The following USP47 variants were observed in gnomAD, a reference collection of about 807,000 sequenced individuals.
The protein encoded by USP47 is ubiquitin carboxyl-terminal hydrolase 47.
USP47 carries 35 observed loss-of-function variants against 165.1 expected under a neutral mutation model. That is an observed-to-expected ratio of 0.21 (90% CI 0.16 to 0.28). USP47 has a LOEUF of 0.28. Among genes scored for constraint, USP47 ranks in the 10% least tolerant of loss-of-function variants. The pLI is 1.00. For missense variants in USP47, 1,277 were observed against 1,607.4 expected, an observed-to-expected ratio of 0.79 and a Z score of 3.52; for synonymous variants, 531 against 544.5, an observed-to-expected ratio of 0.98 and a Z score of 0.35.
chr11:11,911,648 A>ATT (rs1429233159), intron 8 of USP47, among the ~76,000 whole-genome samples: 1 of 152,194 alleles, frequency 6.6e-6, no homozygotes, highest in Non-Finnish European at 1.5e-5. Flanking sequence ...AGACAAATCT[A>ATT]CAATTACAGT....
rs570166396 is a variant in USP47, at chr11:11,909,612, C to G, written c.969+4064C>G. On this transcript the variant is annotated intron_variant, in intron 8 of 27. Transcript: ENST00000527733. ...TCATACAACATTTATTTAGGGCCTA[C>G]TCTATGGCAGACACTGTTCTAGGCC... Among the ~76,000 whole-genome samples, 4 of 152,262 alleles carry G rather than the reference C, an allele frequency of 2.6e-5. No homozygotes were observed. In the East Asian group the frequency reaches 7.7e-4, roughly 29 times the overall value.
chr11:11,950,615 A>G, intron 24 of USP47, 133 bp downstream of exon 24: 2 of 647,166 alleles, frequency 3.1e-6, no homozygotes, highest in South Asian at 2.2e-5. Context: ...TATATTAAGC[A>G]TAACGATATC....
At chr11:11,891,644 GTAGGA>G (rs1270509623) in intron 3 of USP47, among the ~76,000 whole-genome samples, 1 of 152,184 alleles carries the variant, frequency 6.6e-6, no homozygotes. Context: ...GTCAGAGACA[GTAGGA>G]AACTATCCAT....
At chr11:11,937,690 A>G (rs180934116) in intron 17 of USP47, among the ~76,000 whole-genome samples, 3 of 151,806 alleles carry the variant, frequency 2.0e-5, no homozygotes, top group Admixed American at 2.0e-4. Flanking sequence ...TAAGACTTAT[A>G]AAGTAGTCTT....
chr11:11,929,386 G>A, intron 11 of USP47, 48 bp from the exon 12 acceptor site: 1 of 1,594,040 alleles, frequency 6.3e-7, no homozygotes, highest in Non-Finnish European at 8.5e-7. Context: ...CACAAATAAG[G>A]GTTGTGTTTT....
chr11:11,866,100 A>G (rs1014901840), intron 1 of USP47, among the ~76,000 whole-genome samples: 2 of 152,204 alleles, frequency 1.3e-5, no homozygotes, highest in African/African-American at 4.8e-5. Flanking sequence ...CAGTGTCATG[A>G]AACTTTTTCC....
chr11:11,887,991 A>G (rs1435743624), intron 3 of USP47, among the ~76,000 whole-genome samples: 1 of 152,238 alleles, frequency 6.6e-6, no homozygotes, highest in Non-Finnish European at 1.5e-5. Flanking sequence ...TTAAGGCAGA[A>G]ATCAAGAAGT....
At chr11:11,898,044 C>T (rs1851952447) in intron 5 of USP47, among the ~76,000 whole-genome samples, 1 of 152,022 alleles carries the variant, frequency 6.6e-6, no homozygotes, top group Non-Finnish European at 1.5e-5. Context: ...TTCCACCTCT[C>T]AATTTAAGTA....
intron 1 of USP47, among the ~76,000 whole-genome samples, chr11:11,844,923 A>G (rs942587240): frequency 6.6e-6 from 1 of 152,154 alleles, no homozygotes; most frequent in African/African-American, 2.4e-5. Flanking sequence ...TAGTACAGGC[A>G]TTGGCAAACC....
At chr11:11,896,182 A>G (rs1851833215) in intron 4 of USP47, among the ~76,000 whole-genome samples, 1 of 152,222 alleles carries the variant, frequency 6.6e-6, no homozygotes, top group Non-Finnish European at 1.5e-5. Flanking sequence ...TGATGGTAAA[A>G]TAAAGAGCTA....
chr11:11,880,587 CATA>C (rs983721764), intron 2 of USP47, among the ~76,000 whole-genome samples: 5 of 152,118 alleles, frequency 3.3e-5, no homozygotes, highest in African/African-American at 7.2e-5. Flanking sequence ...CTAAAGTTTA[CATA>C]ATGTCATTTC....
chr11:11,902,441 G>A (rs913231347), intron 5 of USP47, among the ~76,000 whole-genome samples: 2 of 152,104 alleles, frequency 1.3e-5, no homozygotes, highest in Non-Finnish European at 2.9e-5. Context: ...TCAGATTCAG[G>A]TTCCACAGTT....
chr11:11,864,065 A>G (rs1849530694), intron 1 of USP47, among the ~76,000 whole-genome samples: 1 of 152,172 alleles, frequency 6.6e-6, no homozygotes, highest in African/African-American at 2.4e-5. Context: ...ATATGCATAC[A>G]AACACATATG....
rs1227050461 is a variant in USP47 at position 11,949,957 on chromosome 11, A to T, written c.3417A>T (p.Leu1139Phe). The T allele has an allele frequency of 6.2e-7, 1 of 1,612,964 alleles. No individual in the cohort carries two copies. ...GMTVRQSKEE[L>F]IPQLREQCGL... Reference sequence around the variant, plus strand: ...CTGTACGGCAATCAAAAGAGGAATTAATTCCTCAGCTCAGGGAGCAATGTG... The same window carrying T: ...CTGTACGGCAATCAAAAGAGGAATTTATTCCTCAGCTCAGGGAGCAATGTG... Residue 1139 changes from leucine (L) to phenylalanine (F), a missense_variant, in exon 23 of 28, where the codon TTA becomes TTT. Around this residue, in one of 4 missense-constraint regions of USP47, gnomAD observed 909 missense variants for 1,068.1 expected, o/e 0.85. Coordinates refer to ENST00000527733, the MANE Select transcript of USP47 (RefSeq NM_001282659.2).
intron 1 of USP47, among the ~76,000 whole-genome samples, chr11:11,876,467 G>A (rs1336335505): frequency 6.6e-6 from 1 of 152,178 alleles, no homozygotes; most frequent in East Asian, 1.9e-4. Context: ...ATGTAACAGT[G>A]GACCCTAAAG....
At chr11:11,910,071 T>G (rs1852851052) in intron 8 of USP47, among the ~76,000 whole-genome samples, 1 of 152,156 alleles carries the variant, frequency 6.6e-6, no homozygotes, top group African/African-American at 2.4e-5. Context: ...TGTGTATGGT[T>G]GGACATAGTG....
In USP47 at chr11:11,959,761, G is replaced by GC. The variant is rs1257254432; in HGVS notation, c.*3590dup. Among the ~76,000 whole-genome samples the GC allele has an allele frequency of 6.6e-6, 1 of 152,114 alleles. No homozygotes were observed. Among genetic ancestry groups the GC allele is most frequent in the African/African-American group, 2.4e-5 (1 of 41,434 alleles). On this transcript the variant is annotated 3_prime_UTR_variant, in exon 28 of 28. Coordinates refer to ENST00000527733, the MANE Select transcript of USP47 (RefSeq NM_001282659.2). ...TCTGCCCCTTCCCCATCACAGCACT[G>GC]CCCCTTTCCACCTCCTCACCAGCTC...
intron 11 of USP47, among the ~76,000 whole-genome samples, chr11:11,927,164 C>T (rs1399176600): frequency 6.6e-6 from 1 of 151,992 alleles, no homozygotes; most frequent in Non-Finnish European, 1.5e-5. Context: ...GATAAATGTG[C>T]TATAATTCTT....
At chr11:11,951,430 ACTT>A (rs1204210444) in intron 24 of USP47, 2 of 152,104 alleles carry the variant, frequency 1.3e-5, no homozygotes, top group Admixed American at 1.3e-4. Flanking sequence ...TAGCAGACAT[ACTT>A]GTCACACCTC....
Sources: gnomAD v4.1 joint callset for allele counts (sites outside exome capture counted in the v4.1 genomes callset) on GRCh38, gnomAD v4.1.1 for gene constraint, gnomAD v4.1.1 regional missense constraint, MANE v1.5 for transcripts, NCBI Gene and HGNC (gene_info 2026-07-23, HGNC 2026-07-21) for gene names.